The following SHISA9 variants were observed in gnomAD, a reference collection of about 807,000 sequenced individuals.
SHISA9 encodes protein shisa-9.
SHISA9 carries 13 observed loss-of-function variants against 38.0 expected under a neutral mutation model. The ratio of observed to expected loss-of-function variants is 0.34; its 90% CI spans 0.22 to 0.54. The LOEUF (loss-of-function observed/expected upper bound fraction) is 0.54, where lower values mean the gene tolerates loss of function less well. Among genes scored for constraint, SHISA9 ranks in the 20% least tolerant of loss-of-function variants. The pLI is 0.91. For synonymous variants in SHISA9, 275 were observed against 242.0 expected (o/e 1.14, Z -1.27); for missense variants, 538 against 575.8 (o/e 0.93, Z 0.67).
At chr16:13,190,437 T>A (rs991386174) in intron 2 of SHISA9, among the ~76,000 whole-genome samples, 10 of 152,210 alleles carry the variant, frequency 6.6e-5, no homozygotes, top group African/African-American at 2.4e-4. Context: ...GGTTTCTTCG[T>A]CCACATATAC....
At chr16:13,440,025 C>G in the SHISA9 span, among the ~76,000 whole-genome samples, 2 of 152,286 alleles carry the variant, frequency 1.3e-5, no homozygotes, top group African/African-American at 4.8e-5. Flanking sequence ...AGAGGACGTG[C>G]GTTCTGGGAG....
chr16:13,533,992 C>G, the SHISA9 span, among the ~76,000 whole-genome samples: 1 of 152,022 alleles, frequency 6.6e-6, no homozygotes, highest in Non-Finnish European at 1.5e-5. Flanking sequence ...ACCGTGTTAG[C>G]CAGGCTGATC....
chr16:13,511,790 G>T, the SHISA9 span, among the ~76,000 whole-genome samples: 3 of 151,918 alleles, frequency 2.0e-5, no homozygotes, highest in African/African-American at 7.2e-5. Flanking sequence ...AGGTGAGGGT[G>T]GGGGCAGAGA....
At chr16:13,082,615 A>G (rs2141937591) in intron 2 of SHISA9, 1 of 152,326 alleles carries the variant, frequency 6.6e-6, no homozygotes, top group Middle Eastern at 3.4e-3. Flanking sequence ...GTCAATCCTT[A>G]GAACCAAGGG....
intron 2 of SHISA9, 54 bp from the exon 3 acceptor site, chr16:13,203,340 G>A: frequency 7.1e-7 from 1 of 1,411,494 alleles, no homozygotes; most frequent in South Asian, 1.7e-5. Flanking sequence ...TGGGAGGGAA[G>A]GTAGATGGTT....
chr16:13,546,755 C>A, the SHISA9 span, among the ~76,000 whole-genome samples: 2 of 152,154 alleles, frequency 1.3e-5, no homozygotes, highest in African/African-American at 4.8e-5. Context: ...ACCATATTCA[C>A]CCATTTTTAC....
At chr16:13,133,299 A>G (rs568767785) in intron 2 of SHISA9, among the ~76,000 whole-genome samples, 2 of 152,238 alleles carry the variant, frequency 1.3e-5, no homozygotes, top group South Asian at 2.1e-4. Context: ...TGAAATGTCC[A>G]TAAGATTATA....
intron 2 of SHISA9, among the ~76,000 whole-genome samples, chr16:13,006,214 C>A (rs1475558709): frequency 6.6e-6 from 1 of 152,210 alleles, no homozygotes; most frequent in Non-Finnish European, 1.5e-5. Flanking sequence ...TTTACTTCCA[C>A]CCCAAAGGAA....
chr16:13,142,928 A>T (rs372555372), intron 2 of SHISA9, among the ~76,000 whole-genome samples: 2 of 152,006 alleles, frequency 1.3e-5, no homozygotes, highest in African/African-American at 2.4e-5. Context: ...GATATATTCA[A>T]ATTAGTGGGG....
At chr16:13,379,553 G>C in the SHISA9 span, among the ~76,000 whole-genome samples, 3 of 152,170 alleles carry the variant, frequency 2.0e-5, no homozygotes, top group Non-Finnish European at 2.9e-5. Context: ...AGTGGCAAAT[G>C]ACATTAGCTG....
chr16:13,493,415 T>G, the SHISA9 span, among the ~76,000 whole-genome samples: 1 of 152,092 alleles, frequency 6.6e-6, no homozygotes, highest in Non-Finnish European at 1.5e-5. Context: ...CAGACAAAAT[T>G]CCCGTGAAGA....
chr16:13,477,428 C>T, the SHISA9 span, among the ~76,000 whole-genome samples: 1 of 152,104 alleles, frequency 6.6e-6, no homozygotes, highest in Non-Finnish European at 1.5e-5. Context: ...ACAGAGCAAT[C>T]CATATAAAAT....
At chr16:13,503,175 G>C in the SHISA9 span, among the ~76,000 whole-genome samples, 23 of 152,298 alleles carry the variant, frequency 1.5e-4, no homozygotes, top group South Asian at 1.2e-3. Flanking sequence ...TCAGGAAAAG[G>C]TTGATGTGTT....
At chr16:12,903,294 G>A (rs112065320) in intron 1 of SHISA9, among the ~76,000 whole-genome samples, 1 of 152,112 alleles carries the variant, frequency 6.6e-6, no homozygotes, top group Non-Finnish European at 1.5e-5. Context: ...ACTTCTCCCT[G>A]CCCGGGGCCG....
chr16:13,265,813 A>G, the SHISA9 span, among the ~76,000 whole-genome samples: 1 of 89,522 alleles, frequency 1.1e-5, no homozygotes, highest in African/African-American at 4.9e-5. Context: ...GAGGCAAAAG[A>G]TAACTGGAAA....
chr16:13,374,928 A>C, the SHISA9 span, among the ~76,000 whole-genome samples: 1 of 152,074 alleles, frequency 6.6e-6, no homozygotes, highest in Admixed American at 6.6e-5. Context: ...GATGATGAGC[A>C]TTTTTTCATG....
the SHISA9 span, among the ~76,000 whole-genome samples, chr16:13,444,770 TTC>T: frequency 0.18 from 27,480 of 150,266 alleles, 2,647 homozygotes; most frequent in Middle Eastern, 0.21. Context: ...GGAAAAAGAT[TTC>T]TCTTTCTTCC....
At chr16:13,128,055 C>T (rs759028563) in intron 2 of SHISA9, among the ~76,000 whole-genome samples, 7 of 152,156 alleles carry the variant, frequency 4.6e-5, no homozygotes, top group South Asian at 2.1e-4. Flanking sequence ...TTGAATTCTG[C>T]ATCATTAAGA....
chr16:12,937,494 AAC>A (rs1253018105), intron 2 of SHISA9, among the ~76,000 whole-genome samples: 1 of 152,196 alleles, frequency 6.6e-6, no homozygotes, highest in African/African-American at 2.4e-5. Context: ...GGGTTGGCCT[AAC>A]AAAATAACAC....
Sources: gnomAD v4.1 joint callset for allele counts (sites outside exome capture counted in the v4.1 genomes callset) on GRCh38, gnomAD v4.1.1 for gene constraint, MANE v1.5 for transcripts, NCBI Gene and HGNC (gene_info 2026-07-23, HGNC 2026-07-21) for gene names.